Variants in AEBP1 observed in about 807,000 individuals in gnomAD.
AEBP1 encodes adipocyte enhancer-binding protein 1.
Under a neutral mutation model 116.5 loss-of-function variants are expected in AEBP1, and 69 were observed. That is an observed-to-expected ratio of 0.59 (90% CI 0.49 to 0.72). The LOEUF is 0.72. Ranked by LOEUF, AEBP1 falls within the 30% of genes least tolerant of loss-of-function variation. The probability of loss-of-function intolerance (pLI) is 0.00; values close to 1 mark genes in which losing one functional copy is unlikely to be tolerated. For missense variants in AEBP1, 1,444 were observed against 1,557.5 expected (o/e 0.93, Z 1.23); for synonymous variants, 627 against 627.3 (o/e 1.00, Z 0.01).
At chr7:44,109,266 G>A (rs1420290744) in intron 8 of AEBP1, 22 bp from the exon 9 acceptor site, 1 of 1,611,530 alleles carries the variant, frequency 6.2e-7, no homozygotes, top group Non-Finnish European at 8.5e-7. Flanking sequence ...TTGGTGCCAT[G>A]TCCTCCCTTC....
Position 44,114,132 on chromosome 7 carries a change from G to A in AEBP1, c.3348G>A (p.Glu1116=), listed in dbSNP as rs938568095. The A allele has an allele frequency of 6.8e-6, 11 of 1,614,018 alleles. No individual in the cohort carries two copies. The highest frequency in any genetic ancestry group is 2.2e-5 in the South Asian group (2 of 91,090). Residue 1116 remains glutamate, a synonymous_variant, in exon 21 of 21, where the codon GAG becomes GAA. Transcript: ENST00000223357. The stretch of plus-strand genomic sequence containing the variant: ...AGTTTGAGACCCAGTTGGAGCCTGA[G>A]TTTGAGACCCAGCTGGAACCCGAGT... ...EPEFETQLEP[E]FETQLEPEFE...
Position 44,109,470 on chromosome 7 carries a change from C to G in AEBP1, c.1150+129C>G, listed in dbSNP as rs1040251347. The G allele has an allele frequency of 8.5e-6, 10 of 1,170,972 alleles. No individual in the cohort carries two copies. The African/African-American group carries it at 1.1e-4, about 13-fold the overall frequency. The allele number at this position is 1,170,972 out of a possible 1,614,324, so 72.5% of individuals were successfully genotyped here. On this transcript the variant is annotated intron_variant, in intron 9 of 20. Transcript: ENST00000223357. ...CTTTCCTACTCAGATTCTTGGGACC[C>G]AGAAGGGAGGGGCCCCGGGAGCCCA...
chr7:44,107,616 G>A lies in AEBP1; in HGVS notation c.668-13G>A, dbSNP rs115538527. The A allele has an allele frequency of 8.7e-6, 14 of 1,613,574 alleles. No individual in the cohort carries two copies. Among genetic ancestry groups the A allele is most frequent in the South Asian group, 4.4e-5 (4 of 91,076 alleles). ...GTGGGGTTGTCAGGCAGCTACCAGC[G>A]CTTTCCCCTCAGAGCCGGAGGAGGA... On this transcript the variant is annotated splice_polypyrimidine_tract_variant and intron_variant, in intron 3 of 20. Coordinates refer to ENST00000223357, the MANE Select transcript of AEBP1 (RefSeq NM_001129.5). This position sits in a 1 kb window ranked among gnomAD's most constrained non-coding sequence, Gnocchi z 4.3.
At chr7:44,106,044 G>C (rs2096222579) in intron 1 of AEBP1, 1 of 373,212 alleles carries the variant, frequency 2.7e-6, no homozygotes, top group South Asian at 2.0e-5. Flanking sequence ...TCTTCTTTGG[G>C]CTTCAATACT....
At chr7:44,109,563 C>T in intron 9 of AEBP1, 1 of 602,838 alleles carries the variant, frequency 1.7e-6, no homozygotes. Context: ...GTGGCAGCTC[C>T]CCAGGGCCCC....
In AEBP1 at chr7:44,109,325, G is replaced by C. The variant is rs376053706; in HGVS notation, c.1134G>C (p.Thr378=). The C allele has an allele frequency of 4.7e-6, 7 of 1,474,442 alleles. No individual in the cohort carries two copies. The highest frequency in any genetic ancestry group is 6.4e-6 in the Non-Finnish European group (7 of 1,096,346). The allele number at this position is 1,474,442 out of a possible 1,614,324, so 91.3% of individuals were successfully genotyped here. A position where few individuals can be genotyped will look rare whatever the true frequency, so the allele number is the denominator to read the frequency against. ...RKGEELEEEW[T]PTEKVKCPPI... ...GCGAGGAGTTGGAGGAGGAGTGGAC[G>C]CCTACGGAGAAAGTCAGTAAGTGGG... Residue 378 remains threonine, a synonymous_variant, in exon 9 of 21, where the codon ACG becomes ACC. Transcript: ENST00000223357.
rs2096227839 is a variant in AEBP1, at chr7:44,110,308, C to G, written c.1362C>G (p.Phe454Leu). The G allele has an allele frequency of 8.7e-6, 14 of 1,613,592 alleles. No individual in the cohort carries two copies. Among genetic ancestry groups the G allele is most frequent in the Non-Finnish European group, 1.1e-5 (13 of 1,180,026 alleles). The change falls in exon 11 of 21, where the codon TTC becomes TTG. Residue 454 changes from phenylalanine (F) to leucine (L), a missense_variant. Transcript: ENST00000223357. ...IEVDTRRTTR[F>L]TGVITQGRDS... The stretch of plus-strand genomic sequence containing the variant: ...TGGACACCAGGAGGACTACCCGGTT[C>G]ACAGGCGTCATCACCCAGGGCAGAG...
At chr7:44,110,163 G>A (rs1467026865) in intron 10 of AEBP1, 39 bp downstream of exon 10, 2 of 1,613,112 alleles carry the variant, frequency 1.2e-6, no homozygotes, top group Non-Finnish European at 1.7e-6. Context: ...ACTGGGATAA[G>A]GGACTCCTCC....
Position 44,108,025 on chromosome 7 carries a change from T to C in AEBP1, c.881T>C (p.Leu294Pro). 2 of 1,594,060 alleles carry C rather than the reference T, an allele frequency of 1.3e-6. No homozygotes were observed. Among genetic ancestry groups the C allele is most frequent in the East Asian group, 2.3e-5 (1 of 43,674 alleles). ...TCCCCAGAGCCTCCTGTGAAGCCTC[T>C]GCTGCCCCCGCTGCCCCCTGACTAT... is the stretch of plus-strand genomic sequence containing the variant. Reference protein sequence around the residue: ...EERIEPPVKPLLPPLPPDYGD... With the variant: ...EERIEPPVKPPLPPLPPDYGD... Residue 294 changes from leucine to proline, a missense_variant, in exon 6 of 21, where the codon CTG becomes CCG. Coordinates refer to ENST00000223357, the MANE Select transcript of AEBP1 (RefSeq NM_001129.5). The surrounding 1 kb of genome is among the most constrained non-coding windows in gnomAD (Gnocchi z 5.0).
rs1367905743 is a variant in AEBP1, at chr7:44,111,059, T to A, written c.1630+2T>A. The A allele has an allele frequency of 8.7e-6, 14 of 1,606,912 alleles. No individual in the cohort carries two copies. The highest frequency in any genetic ancestry group is 1.2e-5 in the Non-Finnish European group (14 of 1,175,660). On this transcript the variant is annotated splice_donor_variant, in intron 13 of 20. Coordinates refer to ENST00000223357, the MANE Select transcript of AEBP1 (RefSeq NM_001129.5). LOFTEE classifies it high-confidence loss of function. The surrounding 1 kb of genome is among the most constrained non-coding windows in gnomAD (Gnocchi z 4.7). ...AGGTGCTGGGGTGCTCTGTGGCCCG[T>A]GAGTGTGGAGGGCTGGCAGGGGCTC...
Position 44,109,290 on chromosome 7 carries a change from C to T in AEBP1, c.1099C>T (p.Pro367Ser). ...TGTCCTCCCTTCATTGTCCCTAGAG[C>T]CCCGAAAGGGCGAGGAGTTGGAGGA... ...AVEKGKDHKE[P>S]RKGEELEEEW... Residue 367 changes from proline to serine, a missense_variant and splice_region_variant, in exon 9 of 21, where the codon CCC becomes TCC. Coordinates refer to ENST00000223357, the MANE Select transcript of AEBP1 (RefSeq NM_001129.5). 1 of 1,609,906 alleles carries T rather than the reference C, an allele frequency of 6.2e-7. No individual in the cohort carries two copies. Among genetic ancestry groups the T allele is most frequent in the Non-Finnish European group, 8.5e-7 (1 of 1,178,078 alleles).
At chr7:44,109,903 C>T in intron 9 of AEBP1, 112 bp from the exon 10 acceptor site, 1 of 983,630 alleles carries the variant, frequency 1.0e-6, no homozygotes, top group Non-Finnish European at 1.5e-6. Flanking sequence ...CAGAGCTGCC[C>T]TCTGACTGTG....
Position 44,104,868 on chromosome 7 carries a change from A to G in AEBP1, c.203A>G (p.Lys68Arg). 6.4e-7 allele frequency: 1 copy of G among 1,567,406 alleles called. No homozygotes were observed. Among genetic ancestry groups the G allele is most frequent in the Non-Finnish European group, 8.6e-7 (1 of 1,156,898 alleles). ...PPPEPTPRVRKAQAGGKPGKR... is the reference protein window; with the variant it reads ...PPPEPTPRVRRAQAGGKPGKR... ...CCCGAGCCCACCCCGCGGGTCCGAA[A>G]AGCCCAGGCGGGGGGCAAGCCAGGG... Residue 68 changes from lysine (K) to arginine (R), a missense_variant, in exon 1 of 21, where the codon AAA becomes AGA. Transcript: ENST00000223357.
Position 44,110,785 on chromosome 7 carries a change from G to A in AEBP1, c.1461G>A (p.Met487Ile), listed in dbSNP as rs771147260. 1.3e-6 allele frequency: 2 copies of A among 1,545,392 alleles called. No homozygotes were observed. Among genetic ancestry groups the A allele is most frequent in the Non-Finnish European group, 8.7e-7 (1 of 1,145,996 alleles). The change falls in exon 12 of 21, where the codon ATG (methionine) becomes ATA (isoleucine). Residue 487 changes from methionine to isoleucine, a missense_variant. Coordinates refer to ENST00000223357, the MANE Select transcript of AEBP1 (RefSeq NM_001129.5). Reference sequence around the variant, plus strand: ...GCAATGACAGCCAGACATGGGTGATGTACACCAACGGCTATGAGGAAATGG... The same window carrying A: ...GCAATGACAGCCAGACATGGGTGATATACACCAACGGCTATGAGGAAATGG... ...GFSNDSQTWVMYTNGYEEMTF... is the reference protein window; with the variant it reads ...GFSNDSQTWVIYTNGYEEMTF...
Position 44,107,902 on chromosome 7 carries a change from C to A in AEBP1, c.833C>A (p.Ala278Asp), listed in dbSNP as rs766981749. 6.3e-7 allele frequency: 1 copy of A among 1,595,202 alleles called. No individual in the cohort carries two copies. Among genetic ancestry groups the A allele is most frequent in the Non-Finnish European group, 8.5e-7 (1 of 1,171,620 alleles). The change falls in exon 5 of 21, where the codon GCC (alanine) becomes GAC (aspartate). Residue 278 changes from alanine to aspartate, a missense_variant. Physicochemically the swap from Ala to Asp is moderately radical, Grantham distance 126. Coordinates refer to ENST00000223357, the MANE Select transcript of AEBP1 (RefSeq NM_001129.5). This position sits in a 1 kb window ranked among gnomAD's most constrained non-coding sequence, Gnocchi z 4.3. ...TGGCCAGAGCCCCCTGAGGAGAAGG[C>A]CCCGGCCCCAGCCCCGGAGGAGAGG... Reference protein sequence around the residue: ...RVWPEPPEEKAPAPAPEERIE... With the variant: ...RVWPEPPEEKDPAPAPEERIE...
chr7:44,105,422 A>G (rs2595705), intron 1 of AEBP1, among the ~76,000 whole-genome samples: 149,586 of 152,258 alleles, frequency 0.98, 73,505 homozygotes, highest in East Asian at 1. Flanking sequence ...ACATTAGTAC[A>G]GGAAATTAGA....
In AEBP1 at chr7:44,111,117, C is replaced by CGGCA. The variant is rs2096228904; in HGVS notation, c.1631-36_1631-33dup. ...AGGTGGGGTGCTAGGGTGGGCCAGC[C>CGGCA]GGCACCCAGCTAAAGACAACCCCGC... On this transcript the variant is annotated intron_variant, in intron 13 of 20. Coordinates refer to ENST00000223357, the MANE Select transcript of AEBP1 (RefSeq NM_001129.5). The surrounding 1 kb of genome is among the most constrained non-coding windows in gnomAD (Gnocchi z 4.7). 1 of 1,576,926 alleles carries CGGCA rather than the reference C, an allele frequency of 6.3e-7. No homozygotes were observed. Among genetic ancestry groups the CGGCA allele is most frequent in the Admixed American group, 1.8e-5 (1 of 57,098 alleles).
At position 44,107,297 on chromosome 7, in the gene AEBP1, C is replaced by T; in HGVS notation, c.596-142C>T. ...CAGGATGCTGAAGGCCAGAGGAGCT[C>T]AGGCCTCCTTGGAGTGAGCTCGGCC... On this transcript the variant is annotated intron_variant, in intron 2 of 20. Transcript: ENST00000223357. This position sits in a 1 kb window ranked among gnomAD's most constrained non-coding sequence, Gnocchi z 4.3. 1 of 783,240 alleles carries T rather than the reference C, an allele frequency of 1.3e-6. No individual in the cohort carries two copies. The highest frequency in any genetic ancestry group is 2.1e-6 in the Non-Finnish European group (1 of 477,774). The allele number at this position is 783,240 out of a possible 1,614,324, so 48.5% of individuals were successfully genotyped here.
At chr7:44,106,961 G>T (rs2096223607) in intron 2 of AEBP1, 74 bp downstream of exon 2, 2 of 1,189,812 alleles carry the variant, frequency 1.7e-6, no homozygotes, top group South Asian at 3.2e-5. Flanking sequence ...TGGGAGGCAG[G>T]TTTCTGGGGC....
Sources: allele counts gnomAD v4.1 joint callset (sites outside exome capture counted in the v4.1 genomes callset), GRCh38; gene constraint gnomAD v4.1.1; non-coding constraint Gnocchi (gnomAD v3.1); transcripts MANE v1.5; gene names NCBI Gene and HGNC (gene_info 2026-07-23, HGNC 2026-07-21).